The following SDCCAG8 variants were observed in gnomAD, a reference collection of about 807,000 sequenced individuals.
SDCCAG8 encodes SHH signaling and ciliogenesis regulator SDCCAG8, also known as serologically defined colon cancer antigen 8.
Under a neutral mutation model 101.8 loss-of-function variants are expected in SDCCAG8, and 74 were observed. That is an observed-to-expected ratio of 0.73 (90% CI 0.60 to 0.88). The LOEUF (loss-of-function observed/expected upper bound fraction) is 0.88, where lower values mean the gene tolerates loss of function less well. Ranked by LOEUF, SDCCAG8 falls within the 40% of genes least tolerant of loss-of-function variation. The probability of loss-of-function intolerance (pLI) is 0.00; values close to 1 mark genes in which losing one functional copy is unlikely to be tolerated. For synonymous variants in SDCCAG8, 281 were observed against 292.9 expected (o/e 0.96, Z 0.41); for missense variants, 787 against 822.6 (o/e 0.96, Z 0.53).
intron 4 of SDCCAG8, among the ~76,000 whole-genome samples, chr1:243,277,180 C>T (rs1395054347): frequency 6.6e-6 from 1 of 152,202 alleles, no homozygotes; most frequent in African/African-American, 2.4e-5. Context: ...AGCTCAATTT[C>T]TGCATCATAT....
intron 11 of SDCCAG8, among the ~76,000 whole-genome samples, chr1:243,342,595 T>G (rs887342129): frequency 1.3e-5 from 2 of 152,238 alleles, no homozygotes; most frequent in Non-Finnish European, 2.9e-5. Flanking sequence ...AATTATTATC[T>G]TCTGATGTTA....
rs970763275 is a variant in SDCCAG8, at chr1:243,474,782, G to C, written c.1986-14232G>C. Among the ~76,000 whole-genome samples the C allele has an allele frequency of 6.6e-6, 1 of 152,258 alleles. No homozygotes were observed. The highest frequency in any genetic ancestry group is 6.5e-5 in the Admixed American group (1 of 15,290). ...GCTAGATGCGCTCCTCCTCGGACTG[G>C]TTGAGTAAGGGAGGAGGCTCGTCCT... On this transcript the variant is annotated intron_variant, in intron 16 of 17. Coordinates refer to ENST00000366541, the MANE Select transcript of SDCCAG8 (RefSeq NM_006642.5). The surrounding 1 kb of genome is among the most constrained non-coding windows in gnomAD (Gnocchi z 4.7).
chr1:243,360,689 G>A (rs576981093), intron 12 of SDCCAG8, among the ~76,000 whole-genome samples: 1 of 152,134 alleles, frequency 6.6e-6, no homozygotes, highest in South Asian at 2.1e-4. Flanking sequence ...AGGCACGGTG[G>A]CAGGTGCCTA....
chr1:243,472,536 G>T (rs948677142), intron 16 of SDCCAG8, among the ~76,000 whole-genome samples: 4 of 152,198 alleles, frequency 2.6e-5, no homozygotes, highest in Middle Eastern at 3.2e-3. Context: ...GGTTAAAAAT[G>T]AATTCACTTA....
intron 4 of SDCCAG8, among the ~76,000 whole-genome samples, chr1:243,284,587 C>T (rs780604602): frequency 4.6e-5 from 7 of 152,112 alleles, no homozygotes; most frequent in Non-Finnish European, 7.4e-5. Flanking sequence ...TAGAGGAAGC[C>T]GGAGGCCCCC....
chr1:243,392,667 C>A (rs765824398), intron 13 of SDCCAG8, among the ~76,000 whole-genome samples: 8 of 152,320 alleles, frequency 5.3e-5, no homozygotes, highest in South Asian at 2.1e-4. Flanking sequence ...TACACTCAAA[C>A]TGATTTGCAC....
At chr1:243,394,953 C>T (rs963777861) in intron 13 of SDCCAG8, among the ~76,000 whole-genome samples, 2 of 151,888 alleles carry the variant, frequency 1.3e-5, no homozygotes, top group South Asian at 2.1e-4. Context: ...TAAGCAATGA[C>T]GCATTAAGCA....
At chr1:243,282,645 TTTTC>T (rs1467432879) in intron 4 of SDCCAG8, among the ~76,000 whole-genome samples, 1 of 152,174 alleles carries the variant, frequency 6.6e-6, no homozygotes, top group African/African-American at 2.4e-5. Context: ...AAGAAAATAT[TTTTC>T]TTTCTCTTTT....
intron 1 of SDCCAG8, among the ~76,000 whole-genome samples, chr1:243,258,003 A>G (rs2066904705): frequency 6.6e-6 from 1 of 152,194 alleles, no homozygotes; most frequent in Admixed American, 6.5e-5. Context: ...TTTTAAATTA[A>G]TGTTATAGTA....
rs959198985 is a variant in SDCCAG8, at chr1:243,374,394, T to A, written c.1474-4327T>A. 2.0e-5 allele frequency among the ~76,000 whole-genome samples: 3 copies of A among 152,024 alleles called. No homozygotes were observed. The South Asian group carries it at 6.2e-4, about 31-fold the overall frequency. On this transcript the variant is annotated intron_variant, in intron 12 of 17. Coordinates refer to ENST00000366541, the MANE Select transcript of SDCCAG8 (RefSeq NM_006642.5). ...AACAGCTCCATTCCAAGATTCAGCA[T>A]TGCAAAATTTCAAAATGACAAGGAA...
At chr1:243,431,369 G>A (rs756745056) in intron 16 of SDCCAG8, among the ~76,000 whole-genome samples, 15 of 152,126 alleles carry the variant, frequency 9.9e-5, no homozygotes, top group Non-Finnish European at 1.3e-4. Context: ...GAAGAGGAGC[G>A]TGTCAAGGAC....
At chr1:243,288,644 C>A (rs1384257818) in intron 5 of SDCCAG8, among the ~76,000 whole-genome samples, 1 of 152,094 alleles carries the variant, frequency 6.6e-6, no homozygotes, top group East Asian at 1.9e-4. Context: ...GGTGCTAAAT[C>A]TTCCCTTGCT....
intron 16 of SDCCAG8, among the ~76,000 whole-genome samples, chr1:243,429,931 G>T (rs181902647): frequency 6.6e-6 from 1 of 152,014 alleles, no homozygotes; most frequent in East Asian, 1.9e-4. Flanking sequence ...TCAAACTCCT[G>T]ACCTGAGGTG....
At chr1:243,412,758 A>G (rs191381033) in intron 13 of SDCCAG8, among the ~76,000 whole-genome samples, 3 of 152,116 alleles carry the variant, frequency 2.0e-5, no homozygotes, top group African/African-American at 7.2e-5. Flanking sequence ...AAACATTTTA[A>G]TCCTACCTCT....
chr1:243,477,227 G>A (rs976781420), intron 16 of SDCCAG8, among the ~76,000 whole-genome samples: 1 of 152,152 alleles, frequency 6.6e-6, no homozygotes, highest in African/African-American at 2.4e-5. Flanking sequence ...TGGCAGTGTG[G>A]GTTTTCCTGC....
chr1:243,322,626 C>T (rs2073847358), intron 9 of SDCCAG8, among the ~76,000 whole-genome samples: 1 of 152,066 alleles, frequency 6.6e-6, no homozygotes, highest in Non-Finnish European at 1.5e-5. Flanking sequence ...GCGTAGATCT[C>T]AACACATAAT....
intron 12 of SDCCAG8, among the ~76,000 whole-genome samples, chr1:243,367,748 ATT>A (rs1220820016): frequency 6.7e-6 from 1 of 149,080 alleles, no homozygotes; most frequent in Non-Finnish European, 1.5e-5. Context: ...CATGTATAAT[ATT>A]AATATAATAT....
At chr1:243,289,352 G>C (rs1388063046) in intron 5 of SDCCAG8, among the ~76,000 whole-genome samples, 1 of 152,162 alleles carries the variant, frequency 6.6e-6, no homozygotes, top group Admixed American at 6.5e-5. Context: ...TGCCCACCCA[G>C]ATTAAGGGTG....
intron 3 of SDCCAG8, among the ~76,000 whole-genome samples, chr1:243,271,553 A>T (rs2068083338): frequency 6.6e-6 from 1 of 151,608 alleles, no homozygotes; most frequent in Non-Finnish European, 1.5e-5. Context: ...TAATTAATTA[A>T]TTTTTTTGAG....
Sources: gnomAD v4.1 joint callset for allele counts (sites outside exome capture counted in the v4.1 genomes callset) on GRCh38, gnomAD v4.1.1 for gene constraint, Gnocchi (gnomAD v3.1) non-coding constraint, MANE v1.5 for transcripts, NCBI Gene and HGNC (gene_info 2026-07-23, HGNC 2026-07-21) for gene names.